The following BCAP31 variants were observed in gnomAD, a reference collection of about 807,000 sequenced individuals.
BCAP31 encodes the protein B-cell receptor-associated protein 31.
For synonymous variants in BCAP31, 75 were observed against 80.9 expected (o/e 0.93, Z 0.39); for missense variants, 124 against 193.0 (o/e 0.64, Z 2.12).
chrX:153,721,384 C>T (rs782192830), intron 2 of BCAP31, among the ~76,000 whole-genome samples: 5 of 100,046 alleles, frequency 5.0e-5, no homozygotes, highest in South Asian at 4.9e-4. Context: ...TGCAGTGAGC[C>T]GAGATCGCGC....
chrX:153,717,735 G>A (rs1189354305), intron 3 of BCAP31, among the ~76,000 whole-genome samples: 1 of 112,139 alleles, frequency 8.9e-6, no homozygotes, highest in Non-Finnish European at 1.9e-5. Context: ...CTTAATTTCC[G>A]GTTTTAGGCT....
At chrX:153,701,487 A>G (rs6643770) in intron 7 of BCAP31, among the ~76,000 whole-genome samples, 10,712 of 112,320 alleles carry the variant, frequency 0.095, 436 homozygotes, top group South Asian at 0.15. Context: ...TCCCAACGTC[A>G]AGACCGCCTG....
intron 3 of BCAP31, among the ~76,000 whole-genome samples, chrX:153,717,879 G>A (rs189678516): frequency 4.9e-4 from 55 of 112,537 alleles, no homozygotes; most frequent in African/African-American, 1.6e-3. Context: ...TCATACCCTC[G>A]GGTTCAACAA....
chrX:153,718,317 C>CAAA (rs60097594), intron 3 of BCAP31, among the ~76,000 whole-genome samples: 28 of 30,226 alleles, frequency 9.3e-4, no homozygotes, highest in Non-Finnish European at 1.3e-3. Context: ...GATTCCATCT[C>CAAA]AAAAAAAAAA....
chrX:153,723,429 A>C lies in BCAP31; in HGVS notation c.-44-141T>G, dbSNP rs2148386226. On this transcript the variant is annotated intron_variant, in intron 1 of 7. Transcript: ENST00000345046. ...TTCAAAGTCTCTGATGCGCTGGCGG[A>C]AGCAGGGCTCCACTCGGCAGGGCCT... 1.8e-6 allele frequency: 2 copies of C among 1,132,507 alleles called. 1 individual carries two copies. The highest frequency in any genetic ancestry group is 6.6e-5 in the East Asian group (2 of 30,322). The allele number at this position is 1,132,507 out of a possible 1,213,427, so 93.3% of individuals were successfully genotyped here. A position where few individuals can be genotyped will look rare whatever the true frequency, so the allele number is the denominator to read the frequency against.
intron 7 of BCAP31, 99 bp from the exon 8 acceptor site, chrX:153,701,074 T>C (rs1335051834): frequency 2.6e-6 from 2 of 767,756 alleles, no homozygotes; most frequent in Non-Finnish European, 3.8e-6. Flanking sequence ...TCGGTTCCCC[T>C]CTCTCCTAAC....
At chrX:153,715,822 T>G in intron 3 of BCAP31, 133 bp from the exon 4 acceptor site, 1 of 784,171 alleles carries the variant, frequency 1.3e-6, no homozygotes, top group African/African-American at 2.0e-5. Flanking sequence ...TTCTTCCCAC[T>G]TCTATGCACA....
chrX:153,711,569 G>A (rs1360093121), intron 4 of BCAP31, among the ~76,000 whole-genome samples: 2 of 112,069 alleles, frequency 1.8e-5, no homozygotes, highest in Non-Finnish European at 3.8e-5. Context: ...GTACCTGCTC[G>A]CGTTCAAGAA....
At chrX:153,705,795 G>C (rs1346899267) in intron 4 of BCAP31, among the ~76,000 whole-genome samples, 1 of 111,932 alleles carries the variant, frequency 8.9e-6, no homozygotes, top group Non-Finnish European at 1.9e-5. Flanking sequence ...TTGAGGGGTG[G>C]GGGTCATGCC....
At chrX:153,702,892 C>T in intron 6 of BCAP31, 43 bp downstream of exon 6, 3 of 1,202,860 alleles carry the variant, frequency 2.5e-6, no homozygotes, top group Non-Finnish European at 3.4e-6. Flanking sequence ...GAGGAGGCTC[C>T]TCTGGACTTC....
chrX:153,707,752 G>C (rs2091564507), intron 4 of BCAP31, among the ~76,000 whole-genome samples: 1 of 112,601 alleles, frequency 8.9e-6, no homozygotes, highest in Non-Finnish European at 1.9e-5. Context: ...CCCACCCAGG[G>C]CCCAAGCAAT....
At chrX:153,713,308 C>G (rs1456124227) in intron 4 of BCAP31, among the ~76,000 whole-genome samples, 6 of 111,878 alleles carry the variant, frequency 5.4e-5, no homozygotes, top group African/African-American at 1.9e-4. Context: ...CCTAACTACA[C>G]TGTTCTGCCA....
rs199684483 is a variant in BCAP31 at position 153,703,098 on chromosome X, G to A, written c.478-40C>T. On this transcript the variant is annotated intron_variant, in intron 5 of 7. Coordinates refer to ENST00000345046, the MANE Select transcript of BCAP31 (RefSeq NM_001256447.2). Reference sequence around the variant, plus strand: ...AAAGGCCAGGGTTACTCAGGAGGGAGGGAGGGAGAGGTTCCAGCCCCATCC... The same window carrying A: ...AAAGGCCAGGGTTACTCAGGAGGGAAGGAGGGAGAGGTTCCAGCCCCATCC... The A allele has an allele frequency of 6.2e-3, 7,411 of 1,201,483 alleles. 28 individuals are homozygous for A. Among genetic ancestry groups the A allele is most frequent in the South Asian group, 0.019 (1,087 of 56,431 alleles).
At chrX:153,722,378 T>C (rs947885976) in intron 2 of BCAP31, among the ~76,000 whole-genome samples, 2 of 111,581 alleles carry the variant, frequency 1.8e-5, no homozygotes, top group African/African-American at 6.5e-5. Context: ...CCAGTTTCCT[T>C]TGTGTAGAAA....
chrX:153,713,458 C>T (rs1461224512), intron 4 of BCAP31, among the ~76,000 whole-genome samples: 1 of 112,291 alleles, frequency 8.9e-6, no homozygotes, highest in Non-Finnish European at 1.9e-5. Flanking sequence ...CCAATGATCC[C>T]GCTCTTCTTT....
chrX:153,707,590 G>A (rs782352512), intron 4 of BCAP31, among the ~76,000 whole-genome samples: 2 of 112,008 alleles, frequency 1.8e-5, no homozygotes, highest in Non-Finnish European at 3.8e-5. Context: ...TCTAGCAACA[G>A]AGGAGACAGA....
chrX:153,722,224 T>G (rs782299194), intron 2 of BCAP31, among the ~76,000 whole-genome samples: 2 of 111,857 alleles, frequency 1.8e-5, no homozygotes, highest in African/African-American at 6.5e-5. Flanking sequence ...AGGGCTAGAG[T>G]TGAATATGCC....
intron 4 of BCAP31, among the ~76,000 whole-genome samples, chrX:153,710,289 G>A (rs56020107): frequency 0.018 from 2,012 of 111,513 alleles, 51 homozygotes; most frequent in African/African-American, 0.062. Context: ...TGGTCTATAC[G>A]GGATGGTGGT....
At chrX:153,708,879 G>C (rs868938923) in intron 4 of BCAP31, among the ~76,000 whole-genome samples, 1 of 112,512 alleles carries the variant, frequency 8.9e-6, no homozygotes, top group African/African-American at 3.2e-5. Flanking sequence ...GCACACAGAC[G>C]CTGGAGAAGA....
Sources: gnomAD v4.1 joint callset for allele counts (sites outside exome capture counted in the v4.1 genomes callset) on GRCh38, gnomAD v4.1.1 for gene constraint, MANE v1.5 for transcripts, NCBI Gene and HGNC (gene_info 2026-07-23, HGNC 2026-07-21) for gene names.